The following MYO16 variants were observed in gnomAD, a reference collection of about 807,000 sequenced individuals.
The protein encoded by MYO16 is unconventional myosin-XVI.
Under a neutral mutation model 205.3 loss-of-function variants are expected in MYO16, and 94 were observed. The ratio of observed to expected loss-of-function variants is 0.46; its 90% CI spans 0.39 to 0.54. The LOEUF (loss-of-function observed/expected upper bound fraction) is 0.54. Ranked by LOEUF, MYO16 falls within the 20% of genes least tolerant of loss-of-function variation. The probability of loss-of-function intolerance (pLI) is 0.00; values close to 1 mark genes in which losing one functional copy is unlikely to be tolerated. For synonymous variants in MYO16, 988 were observed against 954.0 expected (o/e 1.04, Z -0.66); for missense variants, 2,315 against 2,387.5 (o/e 0.97, Z 0.63).
At chr13:108,657,296 G>A (rs115993741) in intron 1 of MYO16, among the ~76,000 whole-genome samples, 2,104 of 152,278 alleles carry the variant, frequency 0.014, 41 homozygotes, top group African/African-American at 0.045. Context: ...ACTGGTCTAA[G>A]TGTCTATTCC....
chr13:109,042,531 T>C (rs1349091999), intron 23 of MYO16, among the ~76,000 whole-genome samples: 1 of 152,238 alleles, frequency 6.6e-6, no homozygotes, highest in Admixed American at 6.5e-5. Flanking sequence ...AACAAAACAC[T>C]GTTTGCAACC....
intron 32 of MYO16, among the ~76,000 whole-genome samples, chr13:109,163,729 C>T (rs1322974014): frequency 6.6e-6 from 1 of 152,062 alleles, no homozygotes; most frequent in African/African-American, 2.4e-5. Flanking sequence ...TCAGAACATA[C>T]AGGTTAAAGT....
chr13:108,799,372 T>C (rs984330527), intron 6 of MYO16, among the ~76,000 whole-genome samples: 1 of 152,192 alleles, frequency 6.6e-6, no homozygotes, highest in African/African-American at 2.4e-5. Flanking sequence ...TGAAATACAG[T>C]CATCATAATA....
At chr13:108,662,418 G>A (rs757740008) in intron 1 of MYO16, among the ~76,000 whole-genome samples, 2 of 152,142 alleles carry the variant, frequency 1.3e-5, no homozygotes, top group African/African-American at 2.4e-5. Flanking sequence ...ACAAGGCTAG[G>A]TGTGACTGAG....
chr13:108,676,821 T>A (rs1474442719), intron 2 of MYO16, among the ~76,000 whole-genome samples: 1 of 152,168 alleles, frequency 6.6e-6, no homozygotes. Context: ...CTGTGTCTAC[T>A]GTGTCTTTGC....
chr13:108,770,455 C>A (rs988324735), intron 4 of MYO16, among the ~76,000 whole-genome samples: 5 of 152,182 alleles, frequency 3.3e-5, no homozygotes, highest in African/African-American at 1.2e-4. Flanking sequence ...ACAATTTCCT[C>A]ATCGGGATGT....
chr13:108,751,549 A>G (rs535070629), intron 4 of MYO16, among the ~76,000 whole-genome samples: 1 of 152,130 alleles, frequency 6.6e-6, no homozygotes, highest in Admixed American at 6.6e-5. Flanking sequence ...ATAAACCCCC[A>G]CTCCTGAAAT....
the MYO16 span, among the ~76,000 whole-genome samples, chr13:108,506,452 A>G: frequency 1.1e-4 from 17 of 151,876 alleles, no homozygotes; most frequent in Admixed American, 2.6e-4. Flanking sequence ...TTTAAATTTC[A>G]TTTTTGGATT....
intron 2 of MYO16, among the ~76,000 whole-genome samples, chr13:108,670,945 G>A (rs1881959619): frequency 6.6e-6 from 1 of 152,168 alleles, no homozygotes; most frequent in African/African-American, 2.4e-5. Context: ...GTATTTTTAA[G>A]TGTAATAAAT....
At chr13:108,938,128 C>T (rs1566421919) in intron 16 of MYO16, among the ~76,000 whole-genome samples, 1 of 151,972 alleles carries the variant, frequency 6.6e-6, no homozygotes, top group Admixed American at 6.6e-5. Context: ...CCTTTTCCCC[C>T]TCTCTAGGGG....
intron 34 of MYO16, among the ~76,000 whole-genome samples, chr13:109,179,962 T>C (rs1594164230): frequency 6.6e-6 from 1 of 152,348 alleles, no homozygotes; most frequent in East Asian, 1.9e-4. Flanking sequence ...GAAGTTGCTA[T>C]GCATTTGACC....
intron 4 of MYO16, among the ~76,000 whole-genome samples, chr13:108,733,586 C>A (rs1884593135): frequency 6.6e-6 from 1 of 151,876 alleles, no homozygotes; most frequent in Admixed American, 6.6e-5. Context: ...ATGATTTTCA[C>A]TGTAATATTA....
chr13:108,708,061 G>A (rs1477107011), intron 2 of MYO16, among the ~76,000 whole-genome samples: 2 of 152,184 alleles, frequency 1.3e-5, no homozygotes, highest in Admixed American at 6.5e-5. Context: ...CACAGAGGGT[G>A]AGGGGGTGAT....
intron 12 of MYO16, among the ~76,000 whole-genome samples, chr13:108,868,209 G>T (rs1464663557): frequency 6.6e-6 from 1 of 152,000 alleles, no homozygotes; most frequent in Non-Finnish European, 1.5e-5. Flanking sequence ...AATCAGTTTT[G>T]ATAAATATCG....
the MYO16 span, among the ~76,000 whole-genome samples, chr13:108,579,264 C>T: frequency 1.3e-5 from 2 of 152,048 alleles, no homozygotes; most frequent in Non-Finnish European, 2.9e-5. Context: ...TCCCATGAGT[C>T]ACCATTGCCT....
chr13:108,829,115 G>T (rs1876457118), intron 9 of MYO16, among the ~76,000 whole-genome samples: 1 of 152,138 alleles, frequency 6.6e-6, no homozygotes, highest in Non-Finnish European at 1.5e-5. Context: ...CTAAAATGGG[G>T]GCAGTCTTGA....
At chr13:109,121,820 G>A (rs775234609) in intron 29 of MYO16, among the ~76,000 whole-genome samples, 3 of 152,248 alleles carry the variant, frequency 2.0e-5, no homozygotes, top group Non-Finnish European at 4.4e-5. Flanking sequence ...CCTTGGACAA[G>A]AGAGGGCCAA....
intron 4 of MYO16, among the ~76,000 whole-genome samples, chr13:108,752,277 A>G (rs1885260547): frequency 6.6e-6 from 1 of 152,216 alleles, no homozygotes; most frequent in Non-Finnish European, 1.5e-5. Flanking sequence ...ATATTATAGA[A>G]GTCAACATCT....
intron 27 of MYO16, among the ~76,000 whole-genome samples, chr13:109,086,897 A>T (rs865811111): frequency 2.0e-5 from 3 of 152,218 alleles, no homozygotes; most frequent in Admixed American, 6.5e-5. Context: ...GAAAATGTAC[A>T]TATCTGTTGC....
Sources: gnomAD v4.1 joint callset for allele counts (sites outside exome capture counted in the v4.1 genomes callset) on GRCh38, gnomAD v4.1.1 for gene constraint, MANE v1.5 for transcripts, NCBI Gene and HGNC (gene_info 2026-07-23, HGNC 2026-07-21) for gene names.